Variants in MCUB observed in about 807,000 individuals in gnomAD.
The protein encoded by MCUB is mitochondrial calcium uniporter dominant negative subunit beta, also known as calcium uniporter regulatory subunit MCUb, mitochondrial.
MCUB carries 46 observed loss-of-function variants against 41.4 expected under a neutral mutation model. The ratio of observed to expected loss-of-function variants is 1.11; its 90% confidence interval spans 0.88 to 1.42. The LOEUF is 1.42. MCUB is among the 40% of genes most tolerant of loss of function. The probability of loss-of-function intolerance (pLI) is 0.00; values close to 1 mark genes in which losing one functional copy is unlikely to be tolerated. For missense variants in MCUB, 403 were observed against 404.9 expected (o/e 1.00, Z 0.04); for synonymous variants, 148 against 148.2 (o/e 1.00, Z 0.01).
At chr4:109,685,404 G>A in intron 7 of MCUB, 37 bp downstream of exon 7, 1 of 896,104 alleles carries the variant, frequency 1.1e-6, no homozygotes, top group Non-Finnish European at 1.9e-6. Context: ...GGTTTGTTTG[G>A]GAGCCAGAAC....
chr4:109,598,585 GGAAACAGAGGGAGA>G (rs1368759354), intron 1 of MCUB, among the ~76,000 whole-genome samples: 2 of 134,722 alleles, frequency 1.5e-5, no homozygotes, highest in Non-Finnish European at 3.5e-5. Flanking sequence ...GGGAGACCGT[GGAAACAGAGGGAGA>G]GGGAGACGGT....
At chr4:109,587,442 C>T (rs1024482485) in intron 1 of MCUB, among the ~76,000 whole-genome samples, 3 of 147,038 alleles carry the variant, frequency 2.0e-5, no homozygotes, top group Non-Finnish European at 3.0e-5. Context: ...TGCCCTGATT[C>T]GGCTTGGCCT....
intron 4 of MCUB, among the ~76,000 whole-genome samples, chr4:109,665,306 T>C (rs1003882720): frequency 2.0e-5 from 3 of 152,188 alleles, no homozygotes; most frequent in Admixed American, 6.5e-5. Context: ...GTGTCTTGGG[T>C]CTTTATTTAG....
intron 1 of MCUB, among the ~76,000 whole-genome samples, chr4:109,616,906 T>C (rs1561228974): frequency 1.3e-5 from 2 of 152,192 alleles, no homozygotes; most frequent in South Asian, 2.1e-4. Context: ...CATGGATTTC[T>C]GGTATTTGAA....
At chr4:109,595,116 T>A (rs967360769) in intron 1 of MCUB, among the ~76,000 whole-genome samples, 2 of 151,816 alleles carry the variant, frequency 1.3e-5, no homozygotes, top group Admixed American at 6.6e-5. Context: ...ATAAATTCAT[T>A]GGGAAATTAG....
intron 1 of MCUB, among the ~76,000 whole-genome samples, chr4:109,597,922 G>T (rs1259248281): frequency 2.7e-5 from 4 of 150,526 alleles, no homozygotes; most frequent in Non-Finnish European, 5.9e-5. Context: ...AGACGGGGTC[G>T]CGGCCGGGCA....
chr4:109,681,636 G>A (rs944125886), intron 4 of MCUB, among the ~76,000 whole-genome samples: 1 of 152,240 alleles, frequency 6.6e-6, no homozygotes, highest in Non-Finnish European at 1.5e-5. Context: ...AGTGACTAGT[G>A]TTCAGCTCAA....
chr4:109,646,833 A>T (rs1447579557), intron 1 of MCUB, among the ~76,000 whole-genome samples: 1 of 152,190 alleles, frequency 6.6e-6, no homozygotes, highest in African/African-American at 2.4e-5. Context: ...AGTGTTTTAC[A>T]TGTGGTATCT....
intron 1 of MCUB, among the ~76,000 whole-genome samples, chr4:109,638,963 A>G (rs1728654956): frequency 6.6e-6 from 1 of 152,206 alleles, no homozygotes; most frequent in Non-Finnish European, 1.5e-5. Context: ...CCATGTCTGC[A>G]GTTACTTCTT....
At chr4:109,674,213 T>G in intron 4 of MCUB, 1 of 782,984 alleles carries the variant, frequency 1.3e-6, no homozygotes, top group Non-Finnish European at 2.3e-6. Flanking sequence ...ATAAACTAAT[T>G]TGTATGGGTT....
chr4:109,659,000 C>A lies in MCUB; in HGVS notation c.100-11C>A, dbSNP rs762262326. On this transcript the variant is annotated splice_polypyrimidine_tract_variant and intron_variant, in intron 1 of 7. Transcript: ENST00000394650. ...TTTTTAAAAAAACAAATTAATTTTT[C>A]CTTCTTGTAGGTTTTGCGTGTGAAG... 7 of 1,471,292 alleles carry A rather than the reference C, an allele frequency of 4.8e-6. No homozygotes were observed. The Admixed American group carries it at 1.2e-4, about 25-fold the overall frequency. 91.1% of individuals were successfully genotyped at this position (1,471,292 alleles called of 1,614,324 possible).
At chr4:109,651,458 G>A (rs986369084) in intron 1 of MCUB, among the ~76,000 whole-genome samples, 2 of 152,150 alleles carry the variant, frequency 1.3e-5, no homozygotes, top group African/African-American at 4.8e-5. Flanking sequence ...AGAGCTAGAT[G>A]CTAGATGTTA....
intron 1 of MCUB, among the ~76,000 whole-genome samples, chr4:109,601,353 G>A (rs557441216): frequency 5.9e-4 from 90 of 151,776 alleles, no homozygotes; most frequent in Non-Finnish European, 1.1e-3. Flanking sequence ...CTAACTTTTT[G>A]GGGGGGTACC....
chr4:109,680,832 C>T (rs1468845304), intron 4 of MCUB, among the ~76,000 whole-genome samples: 2 of 152,196 alleles, frequency 1.3e-5, no homozygotes, highest in African/African-American at 2.4e-5. Flanking sequence ...TCCATCTTCC[C>T]TTCCTCTCAC....
chr4:109,576,618 AG>A (rs1727037259), intron 1 of MCUB, among the ~76,000 whole-genome samples: 1 of 149,114 alleles, frequency 6.7e-6, no homozygotes, highest in Non-Finnish European at 1.5e-5. Context: ...GTTGCTAGTG[AG>A]AGTGTAAAGT....
chr4:109,646,608 T>C (rs1728843251), intron 1 of MCUB, among the ~76,000 whole-genome samples: 1 of 152,198 alleles, frequency 6.6e-6, no homozygotes, highest in Non-Finnish European at 1.5e-5. Flanking sequence ...TATTACACTT[T>C]AACAAAATAA....
intron 1 of MCUB, among the ~76,000 whole-genome samples, chr4:109,569,088 C>T (rs905857772): frequency 1.3e-5 from 2 of 152,082 alleles, no homozygotes; most frequent in Admixed American, 6.5e-5. Context: ...GCTCTGTCAC[C>T]CAGGCTGGAG....
intron 1 of MCUB, among the ~76,000 whole-genome samples, chr4:109,658,034 G>C (rs186449240): frequency 3.3e-5 from 5 of 152,286 alleles, no homozygotes; most frequent in Admixed American, 2.6e-4. Context: ...CACTGTGTCG[G>C]CCAGGCTGGC....
chr4:109,642,115 A>C (rs1047831718), intron 1 of MCUB, among the ~76,000 whole-genome samples: 1 of 152,178 alleles, frequency 6.6e-6, no homozygotes, highest in African/African-American at 2.4e-5. Flanking sequence ...TGGATCCTGA[A>C]ACATATGATT....
Sources: allele counts gnomAD v4.1 joint callset (sites outside exome capture counted in the v4.1 genomes callset), GRCh38; gene constraint gnomAD v4.1.1; transcripts MANE v1.5; gene names NCBI Gene and HGNC (gene_info 2026-07-23, HGNC 2026-07-21).